The following KCNH8 variants were observed in gnomAD, a reference collection of about 807,000 sequenced individuals.
KCNH8 encodes potassium voltage-gated channel subfamily H member 8, also known as voltage-gated delayed rectifier potassium channel KCNH8.
KCNH8 carries 70 observed loss-of-function variants against 103.6 expected under a neutral mutation model. That is an observed-to-expected ratio of 0.68 (90% CI 0.56 to 0.82). KCNH8 has a LOEUF of 0.82. Among genes scored for constraint, KCNH8 ranks in the 40% least tolerant of loss-of-function variants. The pLI is 0.00. For missense variants in KCNH8, 1,217 were observed against 1,329.9 expected (o/e 0.92, Z 1.32); for synonymous variants, 498 against 489.4 (o/e 1.02, Z -0.23).
chr3:19,441,919 G>A (rs1251600894), intron 8 of KCNH8, among the ~76,000 whole-genome samples: 1 of 152,194 alleles, frequency 6.6e-6, no homozygotes, highest in African/African-American at 2.4e-5. Flanking sequence ...CCCTCAAAGA[G>A]CTTATGATCC....
Position 19,469,462 on chromosome 3 carries a change from T to C in KCNH8, c.2040+12480T>C, listed in dbSNP as rs1386549147. On this transcript the variant is annotated intron_variant, in intron 11 of 15. Coordinates refer to ENST00000328405, the MANE Select transcript of KCNH8 (RefSeq NM_144633.3). ...TGTTTTTTGTTTTTTGTTTTTGAGATGGAGTCTCGCAGCATCACCCGGGCT... is the reference window on the plus strand; with the variant it reads ...TGTTTTTTGTTTTTTGTTTTTGAGACGGAGTCTCGCAGCATCACCCGGGCT... Among the ~76,000 whole-genome samples the C allele has an allele frequency of 2.0e-5, 3 of 152,252 alleles. No individual in the cohort carries two copies. The East Asian group carries it at 5.8e-4, about 29-fold the overall frequency.
At chr3:19,432,820 GC>G (rs2067142451) in intron 7 of KCNH8, among the ~76,000 whole-genome samples, 1 of 152,094 alleles carries the variant, frequency 6.6e-6, no homozygotes, top group Admixed American at 6.6e-5. Flanking sequence ...TTAACCATGA[GC>G]CTAATCTTTG....
chr3:19,324,767 A>G (rs2065397949), intron 3 of KCNH8, among the ~76,000 whole-genome samples: 1 of 152,204 alleles, frequency 6.6e-6, no homozygotes. Flanking sequence ...GCCCAAAGCA[A>G]TTTATAAATT....
chr3:19,388,141 T>C (rs2066385086), intron 5 of KCNH8, among the ~76,000 whole-genome samples: 1 of 152,140 alleles, frequency 6.6e-6, no homozygotes, highest in South Asian at 2.1e-4. Context: ...CATGGTCACT[T>C]ATTCAAGGAA....
At chr3:19,272,408 GCCCCAGC>G (rs1189755745) in intron 2 of KCNH8, among the ~76,000 whole-genome samples, 1 of 152,042 alleles carries the variant, frequency 6.6e-6, no homozygotes, top group Non-Finnish European at 1.5e-5. Context: ...TTGGCTGATG[GCCCCAGC>G]TGCGGTGCTC....
intron 10 of KCNH8, among the ~76,000 whole-genome samples, chr3:19,454,497 G>C (rs2067501379): frequency 6.6e-6 from 1 of 152,004 alleles, no homozygotes; most frequent in Non-Finnish European, 1.5e-5. Context: ...ATTCTAAACA[G>C]ACATAATGTG....
chr3:19,150,377 A>G (rs1471769161), intron 1 of KCNH8, among the ~76,000 whole-genome samples: 1 of 152,150 alleles, frequency 6.6e-6, no homozygotes, highest in Non-Finnish European at 1.5e-5. Context: ...GAACATCCAA[A>G]ACTAAAAGGC....
chr3:19,325,592 C>T (rs549999817), intron 3 of KCNH8, among the ~76,000 whole-genome samples: 20 of 152,160 alleles, frequency 1.3e-4, no homozygotes, highest in Non-Finnish European at 2.6e-4. Context: ...AAAAGCTCAA[C>T]ATCACTTATC....
At chr3:19,183,944 G>T (rs1457335391) in intron 1 of KCNH8, among the ~76,000 whole-genome samples, 1 of 152,056 alleles carries the variant, frequency 6.6e-6, no homozygotes. Context: ...TACGGTATTG[G>T]CAAGAATTTA....
intron 5 of KCNH8, among the ~76,000 whole-genome samples, chr3:19,349,191 T>G (rs1029725506): frequency 6.6e-5 from 10 of 152,112 alleles, no homozygotes; most frequent in Admixed American, 2.0e-4. Context: ...TTTTAAAATA[T>G]AGCTATCCTT....
chr3:19,429,892 T>G (rs961742913), intron 7 of KCNH8, among the ~76,000 whole-genome samples: 2 of 152,154 alleles, frequency 1.3e-5, no homozygotes, highest in Admixed American at 1.3e-4. Flanking sequence ...CCACAAGACT[T>G]GATCTTGTTT....
chr3:19,325,997 T>C (rs932711979), intron 3 of KCNH8, among the ~76,000 whole-genome samples: 14 of 152,144 alleles, frequency 9.2e-5, no homozygotes, highest in African/African-American at 3.1e-4. Flanking sequence ...CAAAATACTA[T>C]GCACCCATAA....
At chr3:19,515,220 T>C in intron 13 of KCNH8, 102 bp from the exon 14 acceptor site, 4 of 601,224 alleles carry the variant, frequency 6.7e-6, no homozygotes. Context: ...CTCTAGAGCA[T>C]CTAGAATTTA....
At chr3:19,266,400 A>T (rs1055330461) in intron 2 of KCNH8, among the ~76,000 whole-genome samples, 1 of 152,046 alleles carries the variant, frequency 6.6e-6, no homozygotes, top group Non-Finnish European at 1.5e-5. Flanking sequence ...GCTACTCCCC[A>T]CTTCCAAATT....
At chr3:19,433,168 A>G (rs748226414) in intron 7 of KCNH8, among the ~76,000 whole-genome samples, 2 of 152,188 alleles carry the variant, frequency 1.3e-5, no homozygotes, top group Non-Finnish European at 2.9e-5. Context: ...TATGTAGACT[A>G]TTATGAACTG....
chr3:19,408,112 AAGT>A (rs989277791), intron 7 of KCNH8, among the ~76,000 whole-genome samples: 1 of 152,090 alleles, frequency 6.6e-6, no homozygotes, highest in Non-Finnish European at 1.5e-5. Flanking sequence ...AACAAGGATC[AAGT>A]ATATACCCAG....
At chr3:19,302,934 G>A (rs2065082107) in intron 3 of KCNH8, among the ~76,000 whole-genome samples, 1 of 152,128 alleles carries the variant, frequency 6.6e-6, no homozygotes, top group Non-Finnish European at 1.5e-5. Flanking sequence ...CAAGTCACAA[G>A]CCACTATTAT....
At chr3:19,282,465 G>A (rs1241590257) in intron 3 of KCNH8, among the ~76,000 whole-genome samples, 2 of 152,034 alleles carry the variant, frequency 1.3e-5, no homozygotes, top group Non-Finnish European at 2.9e-5. Flanking sequence ...AAACACAAAA[G>A]GTAAGGATCC....
At chr3:19,210,147 G>A (rs908426730) in intron 1 of KCNH8, among the ~76,000 whole-genome samples, 3 of 151,832 alleles carry the variant, frequency 2.0e-5, no homozygotes, top group East Asian at 1.9e-4. Context: ...TTTATTTCTC[G>A]GAAAGCCATT....
Sources: gnomAD v4.1 joint callset for allele counts (sites outside exome capture counted in the v4.1 genomes callset) on GRCh38, gnomAD v4.1.1 for gene constraint, MANE v1.5 for transcripts, NCBI Gene and HGNC (gene_info 2026-07-23, HGNC 2026-07-21) for gene names.